CRIM1: variants seen among roughly 807,000 people sequenced by gnomAD.
CRIM1 encodes cysteine rich transmembrane BMP regulator 1, also known as cysteine-rich motor neuron 1 protein.
CRIM1 carries 32 observed loss-of-function variants against 116.4 expected under a neutral mutation model. The ratio of observed to expected loss-of-function variants is 0.27; its 90% CI spans 0.21 to 0.37. The LOEUF (loss-of-function observed/expected upper bound fraction) is 0.37, where lower values mean the gene tolerates loss of function less well. Ranked by LOEUF, CRIM1 falls within the 10% of genes least tolerant of loss-of-function variation. CRIM1 has a pLI of 1.00. For synonymous variants in CRIM1, 590 were observed against 509.2 expected (o/e 1.16, Z -2.13); for missense variants, 1,331 against 1,354.8 (o/e 0.98, Z 0.28).
chr2:36,356,723 G>A lies in CRIM1; in HGVS notation c.331+100G>A. On this transcript the variant is annotated intron_variant, in intron 1 of 16. Transcript: ENST00000280527. The surrounding 1 kb of genome is among the most constrained non-coding windows in gnomAD (Gnocchi z 4.3). ...TTTGGGCGAGACTTTCTGGAGGAAA[G>A]AGGGCTCTGCGGGAAGAGGGGCGGC... is the stretch of plus-strand genomic sequence containing the variant. The A allele has an allele frequency of 8.2e-7, 1 of 1,226,772 alleles. No individual in the cohort carries two copies. Among genetic ancestry groups the A allele is most frequent in the Admixed American group, 2.5e-5 (1 of 39,926 alleles). The allele number at this position is 1,226,772 out of a possible 1,614,324, so 76.0% of individuals were successfully genotyped here. A position where few individuals can be genotyped will look rare whatever the true frequency, so the allele number is the denominator to read the frequency against.
At chr2:36,547,550 A>G (rs972894837) in intron 16 of CRIM1, among the ~76,000 whole-genome samples, 1 of 152,214 alleles carries the variant, frequency 6.6e-6, no homozygotes, top group Non-Finnish European at 1.5e-5. Flanking sequence ...TGGGAGAGAA[A>G]AAAAGTCCCA....
At chr2:36,521,390 C>G (rs894424176) in intron 12 of CRIM1, among the ~76,000 whole-genome samples, 11 of 152,052 alleles carry the variant, frequency 7.2e-5, no homozygotes, top group Admixed American at 5.9e-4. Context: ...TAGTCTGGTA[C>G]AATGAGAATT....
At chr2:36,458,488 C>T (rs1006274621) in intron 4 of CRIM1, among the ~76,000 whole-genome samples, 12 of 152,076 alleles carry the variant, frequency 7.9e-5, no homozygotes, top group African/African-American at 2.9e-4. Context: ...TGAAACATGC[C>T]TAGTGGTAGG....
rs79279238 is a variant in CRIM1 at position 36,468,688 on chromosome 2, C to A, written c.991+4033C>A. 9.7e-3 allele frequency among the ~76,000 whole-genome samples: 1,481 copies of A among 152,296 alleles called. 23 individuals carry two copies. Among genetic ancestry groups the A allele is most frequent in the African/African-American group, 0.034 (1,428 of 41,560 alleles). ...GCCCACAAACAAATGTCCCATCAGCCGTCAGCTGGAGCTGGACAATGGCCT... is the reference window on the plus strand; with the variant it reads ...GCCCACAAACAAATGTCCCATCAGCAGTCAGCTGGAGCTGGACAATGGCCT... On this transcript the variant is annotated intron_variant, in intron 5 of 16. Transcript: ENST00000280527.
chr2:36,516,169 A>G (rs962328255), intron 11 of CRIM1, among the ~76,000 whole-genome samples: 12 of 152,240 alleles, frequency 7.9e-5, no homozygotes, highest in Admixed American at 4.6e-4. Flanking sequence ...TAATTTCATT[A>G]GTATTGTTGA....
rs751561857 is a variant in CRIM1, at chr2:36,551,044, T to C, written c.*2343T>C. 1.3e-5 allele frequency: 2 copies of C among 152,680 alleles called. No individual in the cohort carries two copies. Among genetic ancestry groups the C allele is most frequent in the Non-Finnish European group, 2.9e-5 (2 of 68,046 alleles). 9.5% of individuals were successfully genotyped at this position (152,680 alleles called of 1,614,324 possible). A position where few individuals can be genotyped will look rare whatever the true frequency, so the allele number is the denominator to read the frequency against. On this transcript the variant is annotated 3_prime_UTR_variant, in exon 17 of 17. Coordinates refer to ENST00000280527, the MANE Select transcript of CRIM1 (RefSeq NM_016441.3). ...TGGCACTTGGAGTGCATCATAGTTC[T>C]ACAGTTTGTTTTTGTTTTCTTCAAA...
At chr2:36,381,750 G>C (rs1159379869) in intron 1 of CRIM1, among the ~76,000 whole-genome samples, 2 of 152,170 alleles carry the variant, frequency 1.3e-5, no homozygotes, top group African/African-American at 2.4e-5. Flanking sequence ...TTACGCTACT[G>C]TACTCCAGCC....
intron 2 of CRIM1, among the ~76,000 whole-genome samples, chr2:36,435,820 A>G (rs1205737533): frequency 1.3e-5 from 2 of 152,060 alleles, no homozygotes; most frequent in African/African-American, 2.4e-5. Flanking sequence ...ATATTTTAAT[A>G]CTAACTTCTT....
chr2:36,525,743 G>T (rs1163103640), intron 13 of CRIM1, among the ~76,000 whole-genome samples: 1 of 152,056 alleles, frequency 6.6e-6, no homozygotes, highest in East Asian at 1.9e-4. Flanking sequence ...ATGGATGAAT[G>T]TTCTCCCTAA....
At chr2:36,393,123 G>C (rs1399694778) in intron 1 of CRIM1, among the ~76,000 whole-genome samples, 2 of 152,184 alleles carry the variant, frequency 1.3e-5, no homozygotes, top group Admixed American at 1.3e-4. Flanking sequence ...CCAATTAGCT[G>C]TGAGATGGGC....
intron 4 of CRIM1, among the ~76,000 whole-genome samples, chr2:36,459,994 C>T (rs1358048689): frequency 6.6e-6 from 1 of 152,074 alleles, no homozygotes; most frequent in Non-Finnish European, 1.5e-5. Flanking sequence ...CTTCAGTCAG[C>T]AGAACCTCCT....
intron 7 of CRIM1, among the ~76,000 whole-genome samples, chr2:36,482,708 C>G (rs1004205296): frequency 3.9e-5 from 6 of 152,192 alleles, no homozygotes; most frequent in Admixed American, 3.9e-4. Context: ...GTTGCGTAAC[C>G]AGTGTTGGCC....
In CRIM1 at chr2:36,433,533, C is replaced by G. The variant is rs1477047; in HGVS notation, c.506-7725C>G. On this transcript the variant is annotated intron_variant, in intron 2 of 16. Coordinates refer to ENST00000280527, the MANE Select transcript of CRIM1 (RefSeq NM_016441.3). The stretch of plus-strand genomic sequence containing the variant: ...TAGGGAGCTTCATTGTAAAGATTCT[C>G]TGTTTGCTTGGAGTAAGGCAGTGGT... 3.1e-3 allele frequency among the ~76,000 whole-genome samples: 478 copies of G among 152,300 alleles called. 2 individuals carry two copies. The highest frequency in any genetic ancestry group is 0.01 in the African/African-American group (434 of 41,582).
In CRIM1 at chr2:36,387,680, G is replaced by A. The variant is rs1254420034; in HGVS notation, c.332-8934G>A. Among the ~76,000 whole-genome samples the A allele has an allele frequency of 4.6e-5, 7 of 152,180 alleles. No individual in the cohort carries two copies. The East Asian group carries it at 1.3e-3, about 29-fold the overall frequency. On this transcript the variant is annotated intron_variant, in intron 1 of 16. Transcript: ENST00000280527. ...AATTTCGGAAATGGAGCCATTCAGT[G>A]TCTAACTTTGAGTAACTTCCTGGTA...
rs183901409 is a variant in CRIM1, at chr2:36,388,978, A to C, written c.332-7636A>C. Among the ~76,000 whole-genome samples, 81 of 152,348 alleles carry C rather than the reference A, an allele frequency of 5.3e-4. 1 individual carries two copies. Among genetic ancestry groups the C allele is most frequent in the African/African-American group, 1.9e-3 (78 of 41,582 alleles). On this transcript the variant is annotated intron_variant, in intron 1 of 16. Coordinates refer to ENST00000280527, the MANE Select transcript of CRIM1 (RefSeq NM_016441.3). The stretch of plus-strand genomic sequence containing the variant: ...TGTTCTTGTTGTTTGTTATACATTT[A>C]GACATTTACATCAGTTTAAAAGTTA...
At chr2:36,537,848 T>C (rs758915582) in intron 14 of CRIM1, among the ~76,000 whole-genome samples, 2 of 152,222 alleles carry the variant, frequency 1.3e-5, no homozygotes, top group Non-Finnish European at 2.9e-5. Flanking sequence ...TAGCACAGTT[T>C]TAGTGCAGTG....
intron 1 of CRIM1, among the ~76,000 whole-genome samples, chr2:36,382,808 G>A (rs1053490656): frequency 2.6e-5 from 4 of 152,196 alleles, no homozygotes; most frequent in African/African-American, 9.6e-5. Context: ...GAGAGAACAA[G>A]CACATACACA....
intron 1 of CRIM1, among the ~76,000 whole-genome samples, chr2:36,362,690 T>C (rs1669305152): frequency 6.6e-6 from 1 of 152,156 alleles, no homozygotes; most frequent in African/African-American, 2.4e-5. Context: ...GAGGAATGGT[T>C]GAATATACCT....
intron 2 of CRIM1, among the ~76,000 whole-genome samples, chr2:36,406,389 A>G (rs1294531341): frequency 2.0e-5 from 3 of 152,112 alleles, no homozygotes; most frequent in Non-Finnish European, 2.9e-5. Flanking sequence ...TTGATAGTGG[A>G]ATATATGACC....
Sources: gnomAD v4.1 joint callset for allele counts (sites outside exome capture counted in the v4.1 genomes callset) on GRCh38, gnomAD v4.1.1 for gene constraint, Gnocchi (gnomAD v3.1) non-coding constraint, MANE v1.5 for transcripts, NCBI Gene and HGNC (gene_info 2026-07-23, HGNC 2026-07-21) for gene names.